Variants in ARB2A observed in about 807,000 individuals in gnomAD.
The protein encoded by ARB2A is ARB2 cotranscriptional regulator A, also known as cotranscriptional regulator ARB2A.
the ARB2A span, among the ~76,000 whole-genome samples, chr5:93,665,256 T>C: frequency 8.5e-5 from 13 of 152,248 alleles, no homozygotes; most frequent in Admixed American, 8.5e-4. Context: ...CTTCTTTTAA[T>C]AGTGAAGTTA....
chr5:93,799,767 T>C, the ARB2A span, among the ~76,000 whole-genome samples: 1 of 152,114 alleles, frequency 6.6e-6, no homozygotes, highest in Non-Finnish European at 1.5e-5. Flanking sequence ...TGATAAGGTC[T>C]AACTAGGTAG....
chr5:93,770,061 G>A, the ARB2A span, among the ~76,000 whole-genome samples: 1 of 152,118 alleles, frequency 6.6e-6, no homozygotes, highest in Non-Finnish European at 1.5e-5. Context: ...GCAAGGGTAG[G>A]AACAAATTGT....
At chr5:93,798,594 C>T in the ARB2A span, among the ~76,000 whole-genome samples, 1 of 151,988 alleles carries the variant, frequency 6.6e-6, no homozygotes, top group Non-Finnish European at 1.5e-5. Flanking sequence ...TCCACCTGTA[C>T]CATCACATAG....
At chr5:93,846,086 A>G in the ARB2A span, among the ~76,000 whole-genome samples, 4 of 151,792 alleles carry the variant, frequency 2.6e-5, no homozygotes, top group Non-Finnish European at 4.4e-5. Context: ...ACTTTGACTT[A>G]CCATCTTAGA....
the ARB2A span, among the ~76,000 whole-genome samples, chr5:94,055,280 T>C: frequency 6.6e-6 from 1 of 152,322 alleles, no homozygotes; most frequent in South Asian, 2.1e-4. Context: ...ACTCTTAGAA[T>C]ATGTTGTGAG....
chr5:93,928,534 C>T, the ARB2A span, among the ~76,000 whole-genome samples: 1 of 152,106 alleles, frequency 6.6e-6, no homozygotes, highest in African/African-American at 2.4e-5. Context: ...CTGATATAAA[C>T]ACAAGTTATG....
the ARB2A span, among the ~76,000 whole-genome samples, chr5:93,919,975 A>G: frequency 6.6e-6 from 1 of 152,084 alleles, no homozygotes; most frequent in African/African-American, 2.4e-5. Flanking sequence ...CATTTGCTTT[A>G]TTTTTTTCTT....
the ARB2A span, among the ~76,000 whole-genome samples, chr5:93,864,409 C>G: frequency 6.6e-6 from 1 of 151,976 alleles, no homozygotes; most frequent in Non-Finnish European, 1.5e-5. Flanking sequence ...TTCATTTGAA[C>G]TAAAAGTAAA....
At chr5:93,823,220 T>C in the ARB2A span, among the ~76,000 whole-genome samples, 13 of 152,328 alleles carry the variant, frequency 8.5e-5, no homozygotes, top group South Asian at 2.1e-4. Flanking sequence ...TAATCCATTA[T>C]TAGAATTGAT....
chr5:93,895,629 A>C, the ARB2A span, among the ~76,000 whole-genome samples: 1 of 152,122 alleles, frequency 6.6e-6, no homozygotes, highest in African/African-American at 2.4e-5. Context: ...TTTATATCAC[A>C]TCATAATGTG....
At chr5:94,069,072 A>AGATAGATAGAT in the ARB2A span, among the ~76,000 whole-genome samples, 1 of 151,794 alleles carries the variant, frequency 6.6e-6, no homozygotes, top group African/African-American at 2.4e-5. Flanking sequence ...ATAGATAGAT[A>AGATAGATAGAT]GATAGATAGA....
chr5:94,083,533 G>T, the ARB2A span, among the ~76,000 whole-genome samples: 1 of 151,886 alleles, frequency 6.6e-6, no homozygotes, highest in East Asian at 1.9e-4. Context: ...CTGACAAAAA[G>T]GTTAAAAAAA....
At chr5:94,027,604 G>T in the ARB2A span, among the ~76,000 whole-genome samples, 1 of 152,194 alleles carries the variant, frequency 6.6e-6, no homozygotes, top group African/African-American at 2.4e-5. Flanking sequence ...AGGGGAACAA[G>T]AATTCATTAA....
the ARB2A span, among the ~76,000 whole-genome samples, chr5:93,760,262 A>ATAC: frequency 6.6e-6 from 1 of 152,236 alleles, no homozygotes; most frequent in African/African-American, 2.4e-5. Flanking sequence ...GACAGAAACC[A>ATAC]ATGAAAACAC....
the ARB2A span, among the ~76,000 whole-genome samples, chr5:93,956,873 T>A: frequency 3.9e-5 from 6 of 152,112 alleles, no homozygotes; most frequent in Non-Finnish European, 8.8e-5. Context: ...AGTGATCTGT[T>A]TCTAAATCAC....
chr5:93,733,741 A>C, the ARB2A span: 1 of 152,166 alleles, frequency 6.6e-6, no homozygotes, highest in Non-Finnish European at 1.5e-5. Context: ...TATCTTCCTA[A>C]GTTTTATTCT....
the ARB2A span, among the ~76,000 whole-genome samples, chr5:93,670,821 A>G: frequency 6.6e-6 from 1 of 152,246 alleles, no homozygotes. Context: ...ATGTATAAAA[A>G]TGCAATGGTG....
At chr5:93,699,926 G>A in the ARB2A span, among the ~76,000 whole-genome samples, 1 of 151,850 alleles carries the variant, frequency 6.6e-6, no homozygotes, top group Non-Finnish European at 1.5e-5. Flanking sequence ...TATTTGCTCT[G>A]TCCTGCTCCT....
the ARB2A span, among the ~76,000 whole-genome samples, chr5:93,699,542 A>C: frequency 6.6e-6 from 1 of 152,046 alleles, no homozygotes; most frequent in Non-Finnish European, 1.5e-5. Context: ...GACAGTTTCG[A>C]TAAGTGGAGA....
Sources: gnomAD v4.1 joint callset for allele counts (sites outside exome capture counted in the v4.1 genomes callset) on GRCh38, gnomAD v4.1.1 for gene constraint, MANE v1.5 for transcripts, NCBI Gene and HGNC (gene_info 2026-07-23, HGNC 2026-07-21) for gene names.